DERA: variants seen among roughly 807,000 people sequenced by gnomAD.
DERA encodes 2-deoxy-D-ribose 5-phosphate aldolase.
A neutral mutation model predicts 41.1 loss-of-function variants in DERA; 15 were observed. That is an observed-to-expected ratio of 0.37 (90% CI 0.24 to 0.56). The LOEUF (loss-of-function observed/expected upper bound fraction) is 0.56, where lower values mean the gene tolerates loss of function less well. DERA is among the 20% of genes least tolerant of loss of function. The probability of loss-of-function intolerance (pLI) is 0.81; values close to 1 mark genes in which losing one functional copy is unlikely to be tolerated. For missense variants in DERA, 396 were observed against 403.4 expected (o/e 0.98, Z 0.16); for synonymous variants, 139 against 137.4 (o/e 1.01, Z -0.08).
At chr12:15,947,669 C>T (rs946433185) in intron 1 of DERA, among the ~76,000 whole-genome samples, 2 of 152,074 alleles carry the variant, frequency 1.3e-5, no homozygotes, top group African/African-American at 4.8e-5. Flanking sequence ...TCCAATTTGC[C>T]AGTCTGTGTC....
At chr12:16,005,139 G>A (rs1948900529) in intron 6 of DERA, among the ~76,000 whole-genome samples, 1 of 152,126 alleles carries the variant, frequency 6.6e-6, no homozygotes, top group Non-Finnish European at 1.5e-5. Flanking sequence ...TACTAGAAGA[G>A]TTACCGTCAG....
rs1948627026 is a variant in DERA, at chr12:15,966,895, C to A, written c.508+3948C>A. Among the ~76,000 whole-genome samples, 1 of 152,138 alleles carries A rather than the reference C, an allele frequency of 6.6e-6. No homozygotes were observed. Among genetic ancestry groups the A allele is most frequent in the Non-Finnish European group, 1.5e-5 (1 of 68,010 alleles). ...CCTTATGGCAAAGACAACCAAACCT[C>A]CTGAGCACCAGGACCACCTGGACCC... On this transcript the variant is annotated intron_variant, in intron 5 of 8. Transcript: ENST00000428559. The surrounding 1 kb of genome is among the most constrained non-coding windows in gnomAD (Gnocchi z 5.1).
rs186443026 is a variant in DERA, at chr12:16,019,363, T to A, written c.638-13179T>A. Among the ~76,000 whole-genome samples, 32 of 152,310 alleles carry A rather than the reference T, an allele frequency of 2.1e-4. No individual in the cohort carries two copies. Among genetic ancestry groups the A allele is most frequent in the Admixed American group, 5.9e-4 (9 of 15,296 alleles). On this transcript the variant is annotated intron_variant, in intron 6 of 8. Coordinates refer to ENST00000428559, the MANE Select transcript of DERA (RefSeq NM_015954.4). This position sits in a 1 kb window ranked among gnomAD's most constrained non-coding sequence, Gnocchi z 4.4. ...CTCTCAATTGTCCTTTCTCAACACATCCAATACAGACACTAAATTTAGCAT... is the reference window on the plus strand; with the variant it reads ...CTCTCAATTGTCCTTTCTCAACACAACCAATACAGACACTAAATTTAGCAT...
In DERA at chr12:15,972,815, C is replaced by T. The variant is rs1414537765; in HGVS notation, c.509-9493C>T. ...TGGGAGTGGTGCGGGACTCCACGATCTAGTGCTGGACTTGGAAGTTAATCT... is the reference window on the plus strand; with the variant it reads ...TGGGAGTGGTGCGGGACTCCACGATTTAGTGCTGGACTTGGAAGTTAATCT... On this transcript the variant is annotated intron_variant, in intron 5 of 8. Coordinates refer to ENST00000428559, the MANE Select transcript of DERA (RefSeq NM_015954.4). The surrounding 1 kb of genome is among the most constrained non-coding windows in gnomAD (Gnocchi z 4.4). Among the ~76,000 whole-genome samples the T allele has an allele frequency of 7.2e-5, 11 of 152,130 alleles. No homozygotes were observed. Among genetic ancestry groups the T allele is most frequent in the Admixed American group, 7.2e-4 (11 of 15,266 alleles).
Position 15,911,707 on chromosome 12 carries a change from C to G in DERA, c.31+293C>G, listed in dbSNP as rs1209885177. The G allele has an allele frequency of 1.5e-6, 1 of 656,388 alleles. No individual in the cohort carries two copies. The highest frequency in any genetic ancestry group is 2.8e-6 in the Non-Finnish European group (1 of 356,106). 40.7% of individuals were successfully genotyped at this position (656,388 alleles called of 1,614,324 possible). A position where few individuals can be genotyped will look rare whatever the true frequency, so the allele number is the denominator to read the frequency against. On this transcript the variant is annotated intron_variant, in intron 1 of 8. Transcript: ENST00000428559. This position sits in a 1 kb window ranked among gnomAD's most constrained non-coding sequence, Gnocchi z 4.5. ...TCACTCTAGCTCGCTGGTTGGAAAACCCAACAACCCAAAAAACAAAACCCA... is the reference window on the plus strand; with the variant it reads ...TCACTCTAGCTCGCTGGTTGGAAAAGCCAACAACCCAAAAAACAAAACCCA...
At chr12:15,969,043 T>C (rs781118334) in intron 5 of DERA, among the ~76,000 whole-genome samples, 1 of 152,244 alleles carries the variant, frequency 6.6e-6, no homozygotes, top group African/African-American at 2.4e-5. Flanking sequence ...TCTTTAATTT[T>C]ATGTTTAGTG....
rs1233786639 is a variant in DERA, at chr12:16,037,298, TTA to T, written c.*554_*555del. ...TTTAAAATAATAAAGTTCCTATAGT[TTA>T]TTTTTTTAAAAAACTTAAAAATTGT... On this transcript the variant is annotated 3_prime_UTR_variant, in exon 9 of 9. Transcript: ENST00000428559. The surrounding 1 kb of genome is among the most constrained non-coding windows in gnomAD (Gnocchi z 6.7). 1 of 152,150 alleles carries T rather than the reference TTA, an allele frequency of 6.6e-6. No homozygotes were observed. Among genetic ancestry groups the T allele is most frequent in the Middle Eastern group, 3.2e-3 (1 of 316 alleles). 9.4% of individuals were successfully genotyped at this position (152,150 alleles called of 1,614,324 possible).
In DERA at chr12:16,017,405, TTTC is replaced by T. The variant is rs1456585534; in HGVS notation, c.638-15131_638-15129del. On this transcript the variant is annotated intron_variant, in intron 6 of 8. Transcript: ENST00000428559. The surrounding 1 kb of genome is among the most constrained non-coding windows in gnomAD (Gnocchi z 5.5). Reference sequence around the variant, plus strand: ...AGAGCAGGTGTTTGAATTTTTCATTTTTCTTCTTATGCTTTTCTTTCTCTCTTT... The same window carrying T: ...AGAGCAGGTGTTTGAATTTTTCATTTTTCTTATGCTTTTCTTTCTCTCTTT... Among the ~76,000 whole-genome samples the T allele has an allele frequency of 6.6e-6, 1 of 152,218 alleles. No individual in the cohort carries two copies.
At position 15,950,283 on chromosome 12, in the gene DERA, G is replaced by C. The variant is rs548515742; in HGVS notation, c.32-6653G>C. On this transcript the variant is annotated intron_variant, in intron 1 of 8. Transcript: ENST00000428559. ...TTTCCTGATTATATGCTAAACAAAG[G>C]GTGGATTATTTGTGCCTCCCCTTTT... 4.6e-5 allele frequency among the ~76,000 whole-genome samples: 7 copies of C among 152,280 alleles called. No individual in the cohort carries two copies. The South Asian group carries it at 1.0e-3, about 23-fold the overall frequency.
At position 16,000,529 on chromosome 12, in the gene DERA, G is replaced by A. The variant is rs1948867586; in HGVS notation, c.637+18093G>A. Among the ~76,000 whole-genome samples, 1 of 152,172 alleles carries A rather than the reference G, an allele frequency of 6.6e-6. No individual in the cohort carries two copies. Among genetic ancestry groups the A allele is most frequent in the Admixed American group, 6.5e-5 (1 of 15,272 alleles). ...CTTTACCAGTGACCCAAGAATGAGTGTTATAGTATGCTTTTTGTAAAAAAT... is the reference window on the plus strand; with the variant it reads ...CTTTACCAGTGACCCAAGAATGAGTATTATAGTATGCTTTTTGTAAAAAAT... On this transcript the variant is annotated intron_variant, in intron 6 of 8. Coordinates refer to ENST00000428559, the MANE Select transcript of DERA (RefSeq NM_015954.4). This position sits in a 1 kb window ranked among gnomAD's most constrained non-coding sequence, Gnocchi z 4.8.
chr12:15,979,616 T>C (rs1445933513), intron 5 of DERA, among the ~76,000 whole-genome samples: 1 of 152,220 alleles, frequency 6.6e-6, no homozygotes, highest in Non-Finnish European at 1.5e-5. Flanking sequence ...ATTAAGATAT[T>C]TTCTCAGAAA....
rs753101861 is a variant in DERA, at chr12:15,954,117, T to C, written c.32-2819T>C. 4.0e-4 allele frequency among the ~76,000 whole-genome samples: 61 copies of C among 152,154 alleles called. No homozygotes were observed. Among genetic ancestry groups the C allele is most frequent in the Non-Finnish European group, 1.0e-4 (7 of 68,022 alleles). ...GTTCTAACCTTTGGTGTACTCAAAA[T>C]TGGTTTTTAAGGGGAAAGTTCCCAG... is the stretch of plus-strand genomic sequence containing the variant. On this transcript the variant is annotated intron_variant, in intron 1 of 8. Transcript: ENST00000428559. The surrounding 1 kb of genome is among the most constrained non-coding windows in gnomAD (Gnocchi z 4.0).
chr12:15,919,499 G>T (rs145244407), intron 1 of DERA, among the ~76,000 whole-genome samples: 2 of 152,184 alleles, frequency 1.3e-5, no homozygotes, highest in African/African-American at 4.8e-5. Context: ...ACCTTGAAAT[G>T]TGTTCATCTT....
intron 6 of DERA, among the ~76,000 whole-genome samples, chr12:16,029,572 T>C (rs1462076950): frequency 1.3e-5 from 2 of 152,230 alleles, no homozygotes; most frequent in African/African-American, 4.8e-5. Flanking sequence ...ACTGTAGTTT[T>C]TTTTTTCTTG....
At chr12:15,914,472 G>T (rs1342862031) in intron 1 of DERA, among the ~76,000 whole-genome samples, 1 of 152,104 alleles carries the variant, frequency 6.6e-6, no homozygotes, top group African/African-American at 2.4e-5. Context: ...GGGGAACTGG[G>T]GAATCTACCT....
rs983722466 is a variant in DERA, at chr12:16,001,214, C to T, written c.637+18778C>T. Among the ~76,000 whole-genome samples the T allele has an allele frequency of 1.3e-5, 2 of 152,148 alleles. No homozygotes were observed. The highest frequency in any genetic ancestry group is 4.8e-5 in the African/African-American group (2 of 41,438). On this transcript the variant is annotated intron_variant, in intron 6 of 8. Coordinates refer to ENST00000428559, the MANE Select transcript of DERA (RefSeq NM_015954.4). This position sits in a 1 kb window ranked among gnomAD's most constrained non-coding sequence, Gnocchi z 4.1. ...GCAAACCACCACGGCACACGTACAC[C>T]TATGTAACAAACCTGCACATTCTGC...
rs756848745 is a variant in DERA, at chr12:16,012,570, T to C, written c.638-19972T>C. Among the ~76,000 whole-genome samples the C allele has an allele frequency of 6.6e-6, 1 of 152,118 alleles. No homozygotes were observed. Among genetic ancestry groups the C allele is most frequent in the African/African-American group, 2.4e-5 (1 of 41,424 alleles). On this transcript the variant is annotated intron_variant, in intron 6 of 8. Transcript: ENST00000428559. The surrounding 1 kb of genome is among the most constrained non-coding windows in gnomAD (Gnocchi z 4.1). ...ATTCAAATTTGGGAGCAGAGCCGAG[T>C]TGTTTAGACAAGAGAGAATAGTCAA...
Position 15,962,779 on chromosome 12 carries a change from C to G in DERA, c.374-34C>G, listed in dbSNP as rs749516100. 1.1e-4 allele frequency: 172 copies of G among 1,509,502 alleles called. 2 individuals are homozygous for G. The Admixed American group carries it at 3.6e-3, about 32-fold the overall frequency. 93.5% of individuals were successfully genotyped at this position (1,509,502 alleles called of 1,614,324 possible). A position where few individuals can be genotyped will look rare whatever the true frequency, so the allele number is the denominator to read the frequency against. On this transcript the variant is annotated intron_variant, in intron 4 of 8. Transcript: ENST00000428559. ...GCTTACTTTCTTTCTTCCCTCCTTCCCTCTTTCTTCATTTCCTTTCTTAAC... is the reference window on the plus strand; with the variant it reads ...GCTTACTTTCTTTCTTCCCTCCTTCGCTCTTTCTTCATTTCCTTTCTTAAC...
intron 1 of DERA, among the ~76,000 whole-genome samples, chr12:15,920,855 A>C (rs865894755): frequency 2.0e-5 from 3 of 152,048 alleles, no homozygotes; most frequent in South Asian, 2.1e-4. Context: ...TACCCCCCCC[A>C]AAAATACCAA....
Sources: allele counts gnomAD v4.1 joint callset (sites outside exome capture counted in the v4.1 genomes callset), GRCh38; gene constraint gnomAD v4.1.1; non-coding constraint Gnocchi (gnomAD v3.1); transcripts MANE v1.5; gene names NCBI Gene and HGNC (gene_info 2026-07-23, HGNC 2026-07-21).